Variants in NBPF20 observed in about 807,000 individuals in gnomAD.
NBPF20 encodes the protein NBPF member 20, also known as NBPF family member NBPF20.
NBPF20 carries 90 observed loss-of-function variants against 68.1 expected under a neutral mutation model. The ratio of observed to expected loss-of-function variants is 1.32; its 90% CI spans 1.11 to 1.58. NBPF20 has a LOEUF of 1.58. NBPF20 is among the 40% of genes most tolerant of loss of function. NBPF20 has a pLI of 0.00. For synonymous variants in NBPF20, 290 were observed against 228.1 expected (o/e 1.27, Z -2.45); for missense variants, 816 against 601.2 (o/e 1.36, Z -3.74).
At chr1:145,311,854 A>C (rs1661491764) in intron 112 of NBPF20, among the ~76,000 whole-genome samples, 1 of 110,900 alleles carries the variant, frequency 9.0e-6, no homozygotes, top group Non-Finnish European at 1.8e-5. Context: ...TGTTCACGGT[A>C]GCGAGGATTT....
the NBPF20 span, among the ~76,000 whole-genome samples, chr1:145,419,637 C>T: frequency 6.6e-6 from 1 of 152,004 alleles, no homozygotes; most frequent in Non-Finnish European, 1.5e-5. Flanking sequence ...GGACTTCCCT[C>T]CTCGCACTGG....
the NBPF20 span, among the ~76,000 whole-genome samples, chr1:145,424,023 G>A: frequency 6.9e-6 from 1 of 145,516 alleles, no homozygotes; most frequent in African/African-American, 2.5e-5. Context: ...CCACCCAGGC[G>A]GGAGTGCACT....
chr1:145,334,922 G>C (rs1661563551), intron 83 of NBPF20, among the ~76,000 whole-genome samples: 1 of 128,480 alleles, frequency 7.8e-6, no homozygotes, highest in African/African-American at 2.6e-5. Context: ...AGGACACTCT[G>C]AGTTAGTGCC....
At chr1:145,423,627 A>T in the NBPF20 span, among the ~76,000 whole-genome samples, 1 of 152,244 alleles carries the variant, frequency 6.6e-6, no homozygotes, top group East Asian at 1.9e-4. Flanking sequence ...GGATAAAAAG[A>T]TTTAACAGGC....
intron 112 of NBPF20, 63 bp from the exon 118 acceptor site, chr1:145,311,551 ACT>A: frequency 5.4e-6 from 1 of 186,466 alleles, no homozygotes; most frequent in East Asian, 1.3e-4. Flanking sequence ...ATAACAATCC[ACT>A]GTCTAATCCT....
the NBPF20 span, among the ~76,000 whole-genome samples, chr1:145,412,251 G>T: frequency 6.6e-6 from 1 of 151,786 alleles, no homozygotes; most frequent in African/African-American, 2.4e-5. Flanking sequence ...GTTTCTTTTC[G>T]GCTACTTTGT....
chr1:145,395,280 A>C, intron 7 of NBPF20, 139 bp from the exon 13 acceptor site: 1 of 1,092,136 alleles, frequency 9.2e-7, no homozygotes, highest in Non-Finnish European at 1.3e-6. Context: ...AGAGAAATAA[A>C]ACTATCCTTC....
intron 5 of NBPF20, 36 bp from the exon 11 acceptor site, chr1:145,400,630 TA>T: frequency 6.3e-7 from 1 of 1,594,066 alleles, no homozygotes; most frequent in South Asian, 1.1e-5. Flanking sequence ...GACAGAAGAT[TA>T]AACACAGAGG....
exon 9 of NBPF20, chr1:145,393,889 A>C (rs1361461112): frequency 1.9e-6 from 3 of 1,543,458 alleles, no homozygotes; most frequent in South Asian, 2.2e-5. Flanking sequence ...CTCACCTGGG[A>C]CCTGTTGCCT....
At position 145,291,711 on chromosome 1, in the gene NBPF20, C is replaced by A. The variant is rs782769929; in HGVS notation, c.16756G>T (p.Gly5586Ter). 1.2e-6 allele frequency: 2 copies of A among 1,611,758 alleles called. No individual in the cohort carries two copies. The highest frequency in any genetic ancestry group is 1.7e-6 in the Non-Finnish European group (2 of 1,179,820). Residue 5586 changes from glycine to a stop codon, truncating the protein, a stop_gained, in exon 138 of 138, where the codon GGA becomes TGA. Transcript: ENST00000369373. LOFTEE classifies it high-confidence loss of function. ...TACATTGACGGAGTAGAATAACATC[C>A]ATCCAGTGAGTCCTGTAAGACTTCA...
At chr1:145,406,185 C>A (rs1207786116), upstream of NBPF20, among the ~76,000 whole-genome samples, 3 of 150,688 alleles carry the variant, frequency 2.0e-5, no homozygotes, top group African/African-American at 7.3e-5. Flanking sequence ...TCTGCCGCCT[C>A]GGCCTCCCAA....
chr1:145,393,675 A>C, intron 9 of NBPF20: 1 of 1,374,188 alleles, frequency 7.3e-7, no homozygotes, highest in Non-Finnish European at 9.8e-7. Context: ...AGTTATGGTC[A>C]ACTTTCACTA....
chr1:145,403,233 C>T, exon 3 of NBPF20: 1 of 1,612,642 alleles, frequency 6.2e-7, no homozygotes, highest in East Asian at 2.2e-5. Context: ...CCTCAGCTTG[C>T]TTGAGCTGCT....
chr1:145,403,805 A>T (rs1359922600), intron 2 of NBPF20, among the ~76,000 whole-genome samples: 1 of 151,808 alleles, frequency 6.6e-6, no homozygotes, highest in African/African-American at 2.4e-5. Flanking sequence ...ATCTTCAGTT[A>T]TGATTTTAAG....
chr1:145,412,617 A>G, the NBPF20 span, among the ~76,000 whole-genome samples: 1 of 151,012 alleles, frequency 6.6e-6, no homozygotes, highest in Non-Finnish European at 1.5e-5. Context: ...GGACATCATC[A>G]TTTAAAGTGA....
rs1275970579 is a variant in NBPF20 at position 145,397,733 on chromosome 1, A to C, written c.827+1316T>G. 4.6e-5 allele frequency among the ~76,000 whole-genome samples: 7 copies of C among 152,286 alleles called. No individual in the cohort carries two copies. The East Asian group carries it at 7.7e-4, about 17-fold the overall frequency. ...CGACAGGATCAAATTCACACATAAC[A>C]ATATTAACCTTAAATGTAAATGGGC... On this transcript the variant is annotated intron_variant, in intron 7 of 137. Transcript: ENST00000369373.
In NBPF20 at chr1:145,392,771, C is replaced by G. The variant is rs1441757550; in HGVS notation, c.1216+303G>C. ...GAGTGAAGGATGAAATCTACAAGATCTACAAAATTGAGACAAAATCAGAGT... is the reference window on the plus strand; with the variant it reads ...GAGTGAAGGATGAAATCTACAAGATGTACAAAATTGAGACAAAATCAGAGT... On this transcript the variant is annotated intron_variant, in intron 10 of 137. Coordinates refer to ENST00000369373, the Ensembl canonical transcript of NBPF20. Among the ~76,000 whole-genome samples, 3 of 87,060 alleles carry G rather than the reference C, an allele frequency of 3.4e-5. 1 individual carries two copies. Among genetic ancestry groups the G allele is most frequent in the African/African-American group, 1.5e-4 (2 of 13,076 alleles). The allele number at this position is 87,060 out of a possible 152,430, so 57.1% of individuals were successfully genotyped here. A position where few individuals can be genotyped will look rare whatever the true frequency, so the allele number is the denominator to read the frequency against.
At chr1:145,298,292 C>A (rs1447788883) in intron 129 of NBPF20, among the ~76,000 whole-genome samples, 158 bp from the exon 135 acceptor site, 1 of 126,628 alleles carries the variant, frequency 7.9e-6, no homozygotes, top group Non-Finnish European at 1.6e-5. Context: ...TGGGACAGAA[C>A]AGGGCCAAAT....
chr1:145,395,735 C>A (rs1662203583), intron 7 of NBPF20, among the ~76,000 whole-genome samples: 2 of 148,360 alleles, frequency 1.3e-5, no homozygotes, highest in Admixed American at 1.3e-4. Context: ...TTCCAGCAAA[C>A]TCCAACAGAC....
Sources: allele counts gnomAD v4.1 joint callset (sites outside exome capture counted in the v4.1 genomes callset), GRCh38; gene constraint gnomAD v4.1.1; transcripts MANE v1.5; gene names NCBI Gene and HGNC (gene_info 2026-07-23, HGNC 2026-07-21).